FBXL17: variants seen among roughly 807,000 people sequenced by gnomAD.
FBXL17 encodes F-box and leucine rich repeat protein 17, also known as F-box/LRR-repeat protein 17.
A neutral mutation model predicts 66.2 loss-of-function variants in FBXL17; 22 were observed. The ratio of observed to expected loss-of-function variants is 0.33; its 90% confidence interval spans 0.24 to 0.47. The LOEUF (loss-of-function observed/expected upper bound fraction) is 0.47, where lower values mean the gene tolerates loss of function less well. Ranked by LOEUF, FBXL17 falls within the 20% of genes least tolerant of loss-of-function variation. FBXL17 has a pLI of 1.00. For missense variants in FBXL17, 878 were observed against 948.2 expected, an observed-to-expected ratio of 0.93 and a Z score of 0.97; for synonymous variants, 474 against 400.5, an observed-to-expected ratio of 1.18 and a Z score of -2.19.
At chr5:107,910,208 AAAG>A (rs1749904070) in intron 7 of FBXL17, among the ~76,000 whole-genome samples, 1 of 152,140 alleles carries the variant, frequency 6.6e-6, no homozygotes, top group Non-Finnish European at 1.5e-5. Flanking sequence ...AAAAGGAAGA[AAAG>A]AAATAATACA....
chr5:108,121,421 C>T (rs1750493400), intron 6 of FBXL17, among the ~76,000 whole-genome samples: 3 of 152,046 alleles, frequency 2.0e-5, no homozygotes, highest in South Asian at 4.1e-4. Context: ...GCTCTACACA[C>T]AAAGTCTTGA....
Position 108,088,700 on chromosome 5 carries a change from C to CAAAAAAAAAAAAAAAAAAAAAAAA in FBXL17, c.1746-67723_1746-67700dup, listed in dbSNP as rs57707936. ...TGGCCGACAGAGCGAGACTCTATCT[C>CAAAAAAAAAAAAAAAAAAAAAAAA]AAAAAAAAAAAAAAAAAAAAAAAAA... On this transcript the variant is annotated intron_variant, in intron 6 of 8. Coordinates refer to ENST00000542267, the MANE Select transcript of FBXL17 (RefSeq NM_001163315.3). Among the ~76,000 whole-genome samples the CAAAAAAAAAAAAAAAAAAAAAAAA allele has an allele frequency of 4.1e-5, 2 of 49,300 alleles. 1 individual carries two copies. Among genetic ancestry groups the CAAAAAAAAAAAAAAAAAAAAAAAA allele is most frequent in the African/African-American group, 1.7e-4 (2 of 11,526 alleles). The allele number at this position is 49,300 out of a possible 152,430, so 32.3% of individuals were successfully genotyped here.
At chr5:108,320,994 C>G (rs1358963577) in intron 4 of FBXL17, among the ~76,000 whole-genome samples, 1 of 151,726 alleles carries the variant, frequency 6.6e-6, no homozygotes, top group East Asian at 1.9e-4. Context: ...AACTAGTACA[C>G]CTAGGAGAGG....
At chr5:108,040,797 C>T (rs1747016380) in intron 6 of FBXL17, among the ~76,000 whole-genome samples, 1 of 151,936 alleles carries the variant, frequency 6.6e-6, no homozygotes, top group African/African-American at 2.4e-5. Flanking sequence ...AGGTTTTTAC[C>T]GTGGAAGTTG....
chr5:108,025,692 CACACACACACAA>C lies in FBXL17; in HGVS notation c.1746-4703_1746-4692del, dbSNP rs1370135912. 4.0e-3 allele frequency among the ~76,000 whole-genome samples: 557 copies of C among 139,840 alleles called. 5 individuals carry two copies. Among genetic ancestry groups the C allele is most frequent in the African/African-American group, 0.016 (542 of 32,904 alleles). The allele number at this position is 139,840 out of a possible 152,430, so 91.7% of individuals were successfully genotyped here. ...TAGCTACAACACATACACACACACA[CACACACACACAA>C]ACACACACACACACGCGCGCGCGCA... On this transcript the variant is annotated intron_variant, in intron 6 of 8. Coordinates refer to ENST00000542267, the MANE Select transcript of FBXL17 (RefSeq NM_001163315.3).
At chr5:108,248,605 G>A (rs1756213335) in intron 4 of FBXL17, among the ~76,000 whole-genome samples, 1 of 152,052 alleles carries the variant, frequency 6.6e-6, no homozygotes, top group South Asian at 2.1e-4. Context: ...TTCAAGATGA[G>A]CGAATGTTAA....
chr5:107,947,768 T>C (rs1005414200), intron 7 of FBXL17, among the ~76,000 whole-genome samples: 2 of 152,120 alleles, frequency 1.3e-5, no homozygotes, highest in African/African-American at 4.8e-5. Flanking sequence ...AAGAATAACT[T>C]CTCTGGTCAA....
At chr5:108,224,841 T>C (rs1024688733) in intron 4 of FBXL17, among the ~76,000 whole-genome samples, 2 of 152,276 alleles carry the variant, frequency 1.3e-5, no homozygotes, top group African/African-American at 4.8e-5. Flanking sequence ...TTGGCCAGGT[T>C]GGTCTCAAAC....
chr5:107,877,289 T>A (rs1368806826), intron 8 of FBXL17, among the ~76,000 whole-genome samples: 1 of 152,200 alleles, frequency 6.6e-6, no homozygotes, highest in Non-Finnish European at 1.5e-5. Flanking sequence ...CAAACATATT[T>A]ACTGCAGTTT....
chr5:107,920,045 T>C (rs999931555), intron 7 of FBXL17, among the ~76,000 whole-genome samples: 5 of 152,216 alleles, frequency 3.3e-5, no homozygotes, highest in African/African-American at 9.6e-5. Flanking sequence ...GCAAAATGCA[T>C]ACTTAAAACT....
chr5:108,328,468 T>G (rs1759965087), intron 4 of FBXL17, among the ~76,000 whole-genome samples: 1 of 151,972 alleles, frequency 6.6e-6, no homozygotes, highest in Admixed American at 6.6e-5. Context: ...TAGAAAACCA[T>G]CAAAATTTAT....
At chr5:108,039,607 A>G (rs543542025) in intron 6 of FBXL17, among the ~76,000 whole-genome samples, 2 of 152,260 alleles carry the variant, frequency 1.3e-5, no homozygotes, top group South Asian at 2.1e-4. Context: ...AGTCAATATT[A>G]TAAGTACCAG....
chr5:108,306,014 A>G lies in FBXL17; in HGVS notation c.1506+42385T>C, dbSNP rs186077102. On this transcript the variant is annotated intron_variant, in intron 4 of 8. Coordinates refer to ENST00000542267, the MANE Select transcript of FBXL17 (RefSeq NM_001163315.3). ...TACTGATCTAGGATACTGTTGTAGT[A>G]ATCTGAGTAGATCCCCAATATCCAA... Among the ~76,000 whole-genome samples, 873 of 152,240 alleles carry G rather than the reference A, an allele frequency of 5.7e-3. 7 individuals are homozygous for G. Among genetic ancestry groups the G allele is most frequent in the Non-Finnish European group, 8.3e-3 (564 of 67,998 alleles).
chr5:108,118,536 A>G (rs1750353706), intron 6 of FBXL17, among the ~76,000 whole-genome samples: 1 of 152,006 alleles, frequency 6.6e-6, no homozygotes, highest in Non-Finnish European at 1.5e-5. Flanking sequence ...GGTTTTCACT[A>G]CTGACATTTA....
chr5:107,957,833 A>G (rs1276123535), intron 7 of FBXL17, among the ~76,000 whole-genome samples: 1 of 152,204 alleles, frequency 6.6e-6, no homozygotes, highest in African/African-American at 2.4e-5. Flanking sequence ...ATTGAGGAAG[A>G]AAACAAAAAT....
At chr5:108,298,933 A>G in intron 4 of FBXL17, 1 of 948,264 alleles carries the variant, frequency 1.1e-6, no homozygotes, top group Non-Finnish European at 1.3e-6. Flanking sequence ...GATTTAAATA[A>G]TATTATTTAC....
intron 7 of FBXL17, among the ~76,000 whole-genome samples, chr5:107,962,228 C>G (rs34798470): frequency 0.19 from 28,653 of 152,096 alleles, 3,069 homozygotes; most frequent in Non-Finnish European, 0.24. Flanking sequence ...AACTGGTAAA[C>G]TTTATGTTAC....
rs1554084182 is a variant in FBXL17, at chr5:108,294,292, A to AT, written c.1506+54106_1506+54107insA. ...ATATATATATATACTGAAAAAAAAA[A>AT]ATATATATATATACACTTACTGACA... On this transcript the variant is annotated intron_variant, in intron 4 of 8. Transcript: ENST00000542267. Among the ~76,000 whole-genome samples the AT allele has an allele frequency of 1.9e-3, 271 of 145,864 alleles. 1 individual carries two copies. The highest frequency in any genetic ancestry group is 7.3e-3 in the Middle Eastern group (2 of 274).
intron 5 of FBXL17, among the ~76,000 whole-genome samples, chr5:108,213,979 GTCCCTC>G (rs1462338516): frequency 6.6e-6 from 1 of 152,050 alleles, no homozygotes; most frequent in Non-Finnish European, 1.5e-5. Context: ...CAATACAGGA[GTCCCTC>G]TCCCTTATCT....
Sources: allele counts gnomAD v4.1 joint callset (sites outside exome capture counted in the v4.1 genomes callset), GRCh38; gene constraint gnomAD v4.1.1; transcripts MANE v1.5; gene names NCBI Gene and HGNC (gene_info 2026-07-23, HGNC 2026-07-21).